RNF217: variants seen among roughly 807,000 people sequenced by gnomAD.
RNF217 encodes ring finger protein 217, also known as E3 ubiquitin-protein ligase RNF217.
In RNF217, 31 loss-of-function variants were observed where a neutral mutation model predicts 57.8. The ratio of observed to expected loss-of-function variants is 0.54; its 90% CI spans 0.40 to 0.72. The LOEUF is 0.72. RNF217 is among the 30% of genes least tolerant of loss of function. The pLI, the probability that RNF217 is intolerant of heterozygous loss-of-function variation, is 0.00. For missense variants in RNF217, 696 were observed against 708.3 expected (o/e 0.98, Z 0.20); for synonymous variants, 313 against 294.0 (o/e 1.06, Z -0.66).
intron 3 of RNF217, among the ~76,000 whole-genome samples, chr6:125,074,696 T>C (rs1267466408): frequency 2.0e-5 from 3 of 152,116 alleles, no homozygotes. Context: ...TCCATAATCA[T>C]TGACCAGTTT....
intron 4 of RNF217, 107 bp downstream of exon 4, chr6:125,076,965 G>A (rs1220856777): frequency 2.1e-6 from 2 of 930,326 alleles, no homozygotes; most frequent in Non-Finnish European, 1.7e-6. Flanking sequence ...CATGTGCCCA[G>A]TGTTCAGAGG....
At position 124,971,631 on chromosome 6, in the gene RNF217, T is replaced by A. The variant is rs538914433; in HGVS notation, c.882+8205T>A. ...CCACCATGCTCAGCTAATTTTTGTA[T>A]TTTTAGTAGAGATGGGGTTTCACCA... On this transcript the variant is annotated intron_variant, in intron 1 of 5. Coordinates refer to ENST00000521654, the MANE Select transcript of RNF217 (RefSeq NM_001286398.3). 8.5e-5 allele frequency: 15 copies of A among 176,626 alleles called. No individual in the cohort carries two copies. In the South Asian group the frequency reaches 1.2e-3, roughly 14 times the overall value. 10.9% of individuals were successfully genotyped at this position (176,626 alleles called of 1,614,324 possible). A position where few individuals can be genotyped will look rare whatever the true frequency, so the allele number is the denominator to read the frequency against.
intron 4 of RNF217, among the ~76,000 whole-genome samples, chr6:125,078,556 G>T (rs920259596): frequency 6.6e-5 from 10 of 152,054 alleles, no homozygotes; most frequent in African/African-American, 2.4e-4. Flanking sequence ...CAGAAAATGG[G>T]AGCCAAACTT....
chr6:124,974,891 C>A (rs1269193108), intron 1 of RNF217, among the ~76,000 whole-genome samples: 1 of 152,110 alleles, frequency 6.6e-6, no homozygotes, highest in Non-Finnish European at 1.5e-5. Context: ...AGATGTTGTC[C>A]TCGAGTTTCT....
At chr6:125,024,583 C>T (rs950154176) in intron 1 of RNF217, among the ~76,000 whole-genome samples, 60 of 151,366 alleles carry the variant, frequency 4.0e-4, no homozygotes, top group African/African-American at 1.3e-3. Flanking sequence ...CCAGACATAG[C>T]GGTGCATGCC....
chr6:125,064,646 A>G (rs989678431), intron 3 of RNF217, among the ~76,000 whole-genome samples: 3 of 152,158 alleles, frequency 2.0e-5, no homozygotes, highest in South Asian at 2.1e-4. Flanking sequence ...GAAGCAGTCA[A>G]ATTTGTGCAT....
At chr6:124,980,500 G>T (rs1478759773) in intron 1 of RNF217, among the ~76,000 whole-genome samples, 1 of 152,154 alleles carries the variant, frequency 6.6e-6, no homozygotes, top group Non-Finnish European at 1.5e-5. Context: ...TTTTGGATAA[G>T]TCATTTGCTT....
chr6:124,983,399 A>C (rs1437128357), intron 1 of RNF217: 5 of 984,956 alleles, frequency 5.1e-6, no homozygotes, highest in Non-Finnish European at 6.0e-6. Context: ...ACATGAGAAG[A>C]TTAAGGTAGA....
chr6:125,032,901 GTTA>G (rs957268373), intron 1 of RNF217, among the ~76,000 whole-genome samples: 33 of 152,268 alleles, frequency 2.2e-4, no homozygotes, highest in Middle Eastern at 3.4e-3. Context: ...TAATTGTACA[GTTA>G]TTATTTTAAC....
Position 125,067,560 on chromosome 6 carries a change from G to A in RNF217, c.1282-9097G>A, listed in dbSNP as rs73580031. Reference sequence around the variant, plus strand: ...GATAACCACCAAATATTTAGTATGGGTATCTAAATGGATGGTGATACCATA... The same window carrying A: ...GATAACCACCAAATATTTAGTATGGATATCTAAATGGATGGTGATACCATA... On this transcript the variant is annotated intron_variant, in intron 3 of 5. Transcript: ENST00000521654. Among the ~76,000 whole-genome samples the A allele has an allele frequency of 9.0e-3, 1,374 of 152,258 alleles. 4 individuals are homozygous for A. Among genetic ancestry groups the A allele is most frequent in the Middle Eastern group, 0.044 (13 of 294 alleles).
intron 4 of RNF217, among the ~76,000 whole-genome samples, chr6:125,077,818 C>T (rs989617980): frequency 3.2e-4 from 49 of 152,196 alleles, no homozygotes; most frequent in Admixed American, 3.2e-3. Context: ...TGCCTAGTTG[C>T]TTTATGAAAA....
rs1788758478 is a variant in RNF217, at chr6:125,085,974, T to G, written c.*3037T>G. The stretch of plus-strand genomic sequence containing the variant: ...ATCCATTGTAGGAGTATACTTTAAC[T>G]TATTGAATTAGTCCCCTGTTGAATG... On this transcript the variant is annotated 3_prime_UTR_variant, in exon 6 of 6. Transcript: ENST00000521654. 1 of 152,012 alleles carries G rather than the reference T, an allele frequency of 6.6e-6. No individual in the cohort carries two copies. The highest frequency in any genetic ancestry group is 6.6e-5 in the Admixed American group (1 of 15,240). 9.4% of individuals were successfully genotyped at this position (152,012 alleles called of 1,614,324 possible).
chr6:125,028,741 T>G (rs6569409), intron 1 of RNF217, among the ~76,000 whole-genome samples: 31,877 of 152,040 alleles, frequency 0.21, 5,781 homozygotes, highest in African/African-American at 0.5. Flanking sequence ...TAAAAGAGAA[T>G]GGTGTAAGAG....
At chr6:125,009,339 C>A in intron 1 of RNF217, 1 of 1,137,412 alleles carries the variant, frequency 8.8e-7, no homozygotes, top group Non-Finnish European at 1.3e-6. Context: ...CCCTTGTAAT[C>A]TCTTCAAAAC....
chr6:125,026,779 A>G (rs566074715), intron 1 of RNF217, among the ~76,000 whole-genome samples: 1 of 152,186 alleles, frequency 6.6e-6, no homozygotes, highest in Non-Finnish European at 1.5e-5. Flanking sequence ...CCTGTGGAAG[A>G]CAAGTGGGGT....
In RNF217 at chr6:125,058,103, C is replaced by T; in HGVS notation, c.1278C>T (p.Cys426=). ...GQRNAQKCPK[C]KIHIQRTEGC... ...GGAATGCCCAGAAGTGTCCAAAGTG[C>T]AAGGTGAGATAACTTTTAGGAGGAA... The change falls in exon 3 of 6, where the codon TGC becomes TGT. Residue 426 remains cysteine (C), a synonymous_variant. Coordinates refer to ENST00000521654, the MANE Select transcript of RNF217 (RefSeq NM_001286398.3). 1 of 1,607,262 alleles carries T rather than the reference C, an allele frequency of 6.2e-7. No individual in the cohort carries two copies. The highest frequency in any genetic ancestry group is 1.1e-5 in the South Asian group (1 of 89,596).
chr6:124,963,645 T>C (rs1783403451), intron 1 of RNF217, among the ~76,000 whole-genome samples: 1 of 152,242 alleles, frequency 6.6e-6, no homozygotes, highest in African/African-American at 2.4e-5. Flanking sequence ...AGGCTATGGT[T>C]GGCATGTGTA....
chr6:125,019,843 G>A (rs913160029), intron 1 of RNF217, among the ~76,000 whole-genome samples: 8 of 150,390 alleles, frequency 5.3e-5, no homozygotes, highest in East Asian at 3.9e-4. Flanking sequence ...TGGGGGGGGA[G>A]TGAAAAAATC....
rs1788720860 is a variant in RNF217, at chr6:125,084,731, A to G, written c.*1794A>G. The stretch of plus-strand genomic sequence containing the variant: ...CTATTTCCAGTTAGAGGAGTGTGTG[A>G]CATTTATGGTTTGGGAATAGCATAT... On this transcript the variant is annotated 3_prime_UTR_variant, in exon 6 of 6. Coordinates refer to ENST00000521654, the MANE Select transcript of RNF217 (RefSeq NM_001286398.3). The G allele has an allele frequency of 6.6e-6, 1 of 151,962 alleles. No individual in the cohort carries two copies. The highest frequency in any genetic ancestry group is 2.4e-5 in the African/African-American group (1 of 41,420). 9.4% of individuals were successfully genotyped at this position (151,962 alleles called of 1,614,324 possible).
Sources: gnomAD v4.1 joint callset for allele counts (sites outside exome capture counted in the v4.1 genomes callset) on GRCh38, gnomAD v4.1.1 for gene constraint, MANE v1.5 for transcripts, NCBI Gene and HGNC (gene_info 2026-07-23, HGNC 2026-07-21) for gene names.